KLHL1: variants seen among roughly 807,000 people sequenced by gnomAD.
KLHL1 encodes the protein kelch like family member 1.
Under a neutral mutation model 77.7 loss-of-function variants are expected in KLHL1, and 47 were observed. The observed-to-expected ratio is 0.60, with a 90% CI of 0.48 to 0.77. The LOEUF is 0.77. Among genes scored for constraint, KLHL1 ranks in the 30% least tolerant of loss-of-function variants. The probability of loss-of-function intolerance (pLI) is 0.00; values close to 1 mark genes in which losing one functional copy is unlikely to be tolerated. For synonymous variants in KLHL1, 360 were observed against 325.2 expected (o/e 1.11, Z -1.15); for missense variants, 925 against 910.8 (o/e 1.02, Z -0.20).
intron 7 of KLHL1, among the ~76,000 whole-genome samples, chr13:69,781,309 A>AAAT (rs1876193066): frequency 8.9e-6 from 1 of 112,078 alleles, no homozygotes; most frequent in Non-Finnish European, 1.8e-5. Context: ...TTTTTTTGTC[A>AAAT]AATATCAAGT....
At chr13:69,893,680 C>T (rs145388121) in intron 4 of KLHL1, among the ~76,000 whole-genome samples, 2 of 152,020 alleles carry the variant, frequency 1.3e-5, no homozygotes, top group African/African-American at 2.4e-5. Flanking sequence ...AACATAAATG[C>T]GTGGAGCATT....
At chr13:69,977,407 G>A (rs9317858) in intron 1 of KLHL1, among the ~76,000 whole-genome samples, 92,975 of 151,810 alleles carry the variant, frequency 0.61, 28,634 homozygotes, top group Middle Eastern at 0.65. Context: ...AAAATTAGTC[G>A]ATAAAAGGCA....
rs564144824 is a variant in KLHL1 at position 70,007,157 on chromosome 13, G to A, written c.498-31355C>T. Among the ~76,000 whole-genome samples, 330 of 152,030 alleles carry A rather than the reference G, an allele frequency of 2.2e-3. 1 individual carries two copies. Among genetic ancestry groups the A allele is most frequent in the Middle Eastern group, 0.01 (3 of 294 alleles). On this transcript the variant is annotated intron_variant, in intron 1 of 10. Coordinates refer to ENST00000377844, the MANE Select transcript of KLHL1 (RefSeq NM_020866.3). ...CAATATGAGAACTTATCAACAAACC[G>A]TGATAATACAAATCAGAAATGGAAA...
chr13:70,084,675 CTG>C (rs1440675521), intron 1 of KLHL1, among the ~76,000 whole-genome samples: 1 of 103,720 alleles, frequency 9.6e-6, no homozygotes, highest in East Asian at 3.3e-4. Flanking sequence ...CGGGGTTTCA[CTG>C]TGTTAGCCAG....
At chr13:69,766,844 G>T (rs1039355954) in intron 7 of KLHL1, among the ~76,000 whole-genome samples, 2 of 152,078 alleles carry the variant, frequency 1.3e-5, no homozygotes, top group Non-Finnish European at 2.9e-5. Context: ...AGCAGTGTCT[G>T]GCCTAAAGAT....
intron 1 of KLHL1, among the ~76,000 whole-genome samples, chr13:70,038,718 G>C (rs893325080): frequency 4.0e-5 from 6 of 150,534 alleles, no homozygotes; most frequent in African/African-American, 1.5e-4. Flanking sequence ...AGCCTCTAGA[G>C]TAGCTGGGAT....
chr13:69,995,440 T>G (rs1204458617), intron 1 of KLHL1, among the ~76,000 whole-genome samples: 1 of 152,132 alleles, frequency 6.6e-6, no homozygotes, highest in Non-Finnish European at 1.5e-5. Context: ...AAATCTGCAT[T>G]GAGTCATCAT....
chr13:69,865,117 T>C (rs1010797271), intron 5 of KLHL1, among the ~76,000 whole-genome samples: 5 of 152,086 alleles, frequency 3.3e-5, no homozygotes, highest in Non-Finnish European at 5.9e-5. Flanking sequence ...TTAATATTTT[T>C]GTAGAGATGG....
intron 1 of KLHL1, among the ~76,000 whole-genome samples, chr13:70,067,959 G>A (rs1181851708): frequency 1.3e-5 from 2 of 151,852 alleles, no homozygotes; most frequent in East Asian, 3.9e-4. Flanking sequence ...AGAAATATTG[G>A]CAAGTCTACA....
intron 1 of KLHL1, among the ~76,000 whole-genome samples, chr13:70,090,628 G>C (rs1406853218): frequency 1.3e-5 from 2 of 151,990 alleles, no homozygotes; most frequent in African/African-American, 2.4e-5. Flanking sequence ...AAGTCAGAAA[G>C]GTCTTTATGC....
chr13:69,882,346 C>A lies in KLHL1; in HGVS notation c.1164G>T (p.Gln388His). The A allele has an allele frequency of 6.2e-7, 1 of 1,613,946 alleles. No homozygotes were observed. The highest frequency in any genetic ancestry group is 8.5e-7 in the Non-Finnish European group (1 of 1,179,870). ...ALMMWVKYDM[Q>H]SRCNDLSMLL... ...GCATGCTCAGGTCATTGCATCTACT[C>A]TGCATGTCATACTTGACCCACATCA... Residue 388 changes from glutamine to histidine, a missense_variant, in exon 5 of 11, where the codon CAG becomes CAT. By Grantham distance (24) the Gln-to-His change is conservative. Coordinates refer to ENST00000377844, the MANE Select transcript of KLHL1 (RefSeq NM_020866.3).
At chr13:70,074,336 G>A (rs1406982157) in intron 1 of KLHL1, among the ~76,000 whole-genome samples, 2 of 151,868 alleles carry the variant, frequency 1.3e-5, no homozygotes, top group Non-Finnish European at 2.9e-5. Flanking sequence ...CTATAATCTC[G>A]GATCTAAGGT....
intron 1 of KLHL1, among the ~76,000 whole-genome samples, chr13:70,024,120 A>G (rs4884872): frequency 0.85 from 129,494 of 151,712 alleles, 55,640 homozygotes; most frequent in East Asian, 0.92. Flanking sequence ...TCAGGATGGT[A>G]TGGCGTAGAC....
chr13:69,821,396 C>A (rs373536326), intron 6 of KLHL1, among the ~76,000 whole-genome samples: 3 of 152,160 alleles, frequency 2.0e-5, no homozygotes, highest in South Asian at 4.2e-4. Context: ...CTCACTACAA[C>A]CTCCACCTCC....
At chr13:69,988,583 G>A (rs1378473887) in intron 1 of KLHL1, among the ~76,000 whole-genome samples, 1 of 152,090 alleles carries the variant, frequency 6.6e-6, no homozygotes, top group Non-Finnish European at 1.5e-5. Context: ...CACCAGTAGA[G>A]TGTAAGCATT....
intron 4 of KLHL1, among the ~76,000 whole-genome samples, chr13:69,916,964 T>G (rs547134122): frequency 6.6e-6 from 1 of 151,966 alleles, no homozygotes; most frequent in East Asian, 1.9e-4. Flanking sequence ...TAGGCTATTT[T>G]TGAGTAAAGT....
intron 1 of KLHL1, among the ~76,000 whole-genome samples, chr13:69,981,684 T>C (rs1692459144): frequency 6.6e-6 from 1 of 151,970 alleles, no homozygotes; most frequent in Non-Finnish European, 1.5e-5. Context: ...AATTTGTTAT[T>C]TTCTACCTTT....
intron 6 of KLHL1, among the ~76,000 whole-genome samples, chr13:69,816,950 T>C (rs1878145874): frequency 6.6e-6 from 1 of 151,672 alleles, no homozygotes; most frequent in South Asian, 2.1e-4. Flanking sequence ...AAAGCGAGAC[T>C]CCATCTCAGA....
chr13:69,703,880 C>T (rs983026098), intron 10 of KLHL1, among the ~76,000 whole-genome samples: 1 of 151,596 alleles, frequency 6.6e-6, no homozygotes, highest in Non-Finnish European at 1.5e-5. Flanking sequence ...TCTAAGTATA[C>T]TTTGTAATAC....
Sources: allele counts gnomAD v4.1 joint callset (sites outside exome capture counted in the v4.1 genomes callset), GRCh38; gene constraint gnomAD v4.1.1; transcripts MANE v1.5; gene names NCBI Gene and HGNC (gene_info 2026-07-23, HGNC 2026-07-21).